The following AKAP13 variants were observed in gnomAD, a reference collection of about 807,000 sequenced individuals.
AKAP13 encodes the protein A-kinase anchoring protein 13, also known as A-kinase anchor protein 13.
AKAP13 carries 80 observed loss-of-function variants against 264.5 expected under a neutral mutation model. The observed-to-expected ratio is 0.30, with a 90% CI of 0.25 to 0.36. The LOEUF (loss-of-function observed/expected upper bound fraction) is 0.36. Among genes scored for constraint, AKAP13 ranks in the 10% least tolerant of loss-of-function variants. AKAP13 has a pLI of 1.00. For synonymous variants in AKAP13, 1,380 were observed against 1,250.2 expected, an observed-to-expected ratio of 1.10 and a Z score of -2.19; for missense variants, 3,712 against 3,435.2, an observed-to-expected ratio of 1.08 and a Z score of -2.01.
intron 2 of AKAP13, among the ~76,000 whole-genome samples, chr15:85,491,445 AGATATAAAT>A (rs1177031201): frequency 6.7e-6 from 1 of 149,964 alleles, no homozygotes; most frequent in Non-Finnish European, 1.5e-5. Context: ...ATCCACATTT[AGATATAAAT>A]GGATGTTCTT....
chr15:85,644,149 C>G (rs1356172441), intron 9 of AKAP13, among the ~76,000 whole-genome samples: 2 of 151,598 alleles, frequency 1.3e-5, no homozygotes, highest in African/African-American at 4.8e-5. Context: ...GTGTCACCTA[C>G]AAATTTGATA....
chr15:85,644,859 G>C lies in AKAP13; in HGVS notation c.4238-959G>C, dbSNP rs371757274. 1.2e-3 allele frequency among the ~76,000 whole-genome samples: 184 copies of C among 152,250 alleles called. 1 individual carries two copies. The highest frequency in any genetic ancestry group is 0.01 in the Middle Eastern group (3 of 294). On this transcript the variant is annotated intron_variant, in intron 9 of 36. Coordinates refer to ENST00000394518, the MANE Select transcript of AKAP13 (RefSeq NM_007200.5). Reference sequence around the variant, plus strand: ...CACTCAGTAATGGACTTGGGTTCTTGGTTTCACCATCCACAAATCTCTTTA... The same window carrying C: ...CACTCAGTAATGGACTTGGGTTCTTCGTTTCACCATCCACAAATCTCTTTA...
chr15:85,535,799 CT>C (rs60026361), intron 4 of AKAP13: 21,545 of 138,018 alleles, frequency 0.16, 2,029 homozygotes, highest in African/African-American at 0.29. Context: ...CTTTCTCTCT[CT>C]TTTTTTTTTT....
chr15:85,588,917 A>G (rs1320026843), intron 8 of AKAP13, among the ~76,000 whole-genome samples: 1 of 152,226 alleles, frequency 6.6e-6, no homozygotes, highest in African/African-American at 2.4e-5. Flanking sequence ...ATTTATCTCT[A>G]GCTGCGAGAT....
At chr15:85,635,653 T>G (rs1203575944) in intron 8 of AKAP13, among the ~76,000 whole-genome samples, 2 of 152,170 alleles carry the variant, frequency 1.3e-5, no homozygotes, top group Admixed American at 1.3e-4. Context: ...TAAAAGTGTT[T>G]CCCTCTGTCT....
At chr15:85,629,032 A>C (rs1433336034) in intron 8 of AKAP13, among the ~76,000 whole-genome samples, 1 of 152,136 alleles carries the variant, frequency 6.6e-6, no homozygotes, top group African/African-American at 2.4e-5. Context: ...TGCCTCTCCA[A>C]AAAAATTTTT....
intron 1 of AKAP13, chr15:85,415,145 C>T (rs2072179635): frequency 4.9e-6 from 4 of 810,126 alleles, no homozygotes; most frequent in Non-Finnish European, 8.1e-6. Context: ...AGGGAAATAC[C>T]TTTAAAAAAA....
intron 17 of AKAP13, among the ~76,000 whole-genome samples, chr15:85,695,043 C>T (rs1372242358): frequency 2.0e-5 from 3 of 151,950 alleles, no homozygotes; most frequent in Non-Finnish European, 4.4e-5. Context: ...TCTTCTGGCT[C>T]AGCCAGCCTC....
chr15:85,578,906 A>G lies in AKAP13; in HGVS notation c.862-24A>G, dbSNP rs199906620. ...ATCTTCTCCTACAGGCAGTTTTTTA[A>G]AAGTGTATTTCATTTCCTCCTAGAA... On this transcript the variant is annotated intron_variant, in intron 6 of 36. Transcript: ENST00000394518. 109 of 1,593,346 alleles carry G rather than the reference A, an allele frequency of 6.8e-5. 1 individual carries two copies. The highest frequency in any genetic ancestry group is 5.1e-4 in the South Asian group (46 of 89,902).
chr15:85,712,295 T>C (rs1359645719), intron 19 of AKAP13, among the ~76,000 whole-genome samples: 2 of 152,236 alleles, frequency 1.3e-5, no homozygotes, highest in African/African-American at 4.8e-5. Flanking sequence ...ATATATTTAA[T>C]CTGGTTTTTA....
Position 85,533,891 on chromosome 15 carries a change from A to C in AKAP13, c.478+11A>C, listed in dbSNP as rs557246780. 6.4e-7 allele frequency: 1 copy of C among 1,552,256 alleles called. No individual in the cohort carries two copies. Among genetic ancestry groups the C allele is most frequent in the South Asian group, 1.2e-5 (1 of 82,426 alleles). Reference sequence around the variant, plus strand: ...ATCAGAGTTTGCATGGTGAGAATTTATATGATCTACAAACACACTTTAAGT... The same window carrying C: ...ATCAGAGTTTGCATGGTGAGAATTTCTATGATCTACAAACACACTTTAAGT... On this transcript the variant is annotated intron_variant, in intron 4 of 36. Transcript: ENST00000394518.
chr15:85,459,226 C>T (rs1422951115), intron 1 of AKAP13, among the ~76,000 whole-genome samples: 1 of 152,172 alleles, frequency 6.6e-6, no homozygotes, highest in African/African-American at 2.4e-5. Context: ...CACTCTGTCA[C>T]CCAGGCTGGA....
chr15:85,630,657 A>G (rs1185609304), intron 8 of AKAP13, among the ~76,000 whole-genome samples: 1 of 152,234 alleles, frequency 6.6e-6, no homozygotes, highest in East Asian at 1.9e-4. Context: ...GGCGAGCCTT[A>G]CATCTTCACA....
chr15:85,579,887 T>C lies in AKAP13; in HGVS notation c.1819T>C (p.Leu607=). ...ISDGLEPYTL[L]AAGIGEAMSP... is the part of the protein sequence containing the mutation. ...AGATGGATTAGAACCTTATACTCTCTTAGCAGCAGGCATAGGTGAGGCAAT... is the reference window on the plus strand; with the variant it reads ...AGATGGATTAGAACCTTATACTCTCCTAGCAGCAGGCATAGGTGAGGCAAT... Residue 607 remains leucine, a synonymous_variant, in exon 7 of 37, where the codon TTA becomes CTA. Transcript: ENST00000394518. 1.2e-6 allele frequency: 2 copies of C among 1,614,232 alleles called. No homozygotes were observed. The highest frequency in any genetic ancestry group is 1.7e-6 in the Non-Finnish European group (2 of 1,180,040).
At chr15:85,696,501 A>G (rs1276412202) in intron 17 of AKAP13, among the ~76,000 whole-genome samples, 2 of 152,202 alleles carry the variant, frequency 1.3e-5, no homozygotes, top group Non-Finnish European at 2.9e-5. Flanking sequence ...TAAGAGCTGT[A>G]AAATCTTCCT....
At chr15:85,559,868 A>G (rs1218663745) in intron 5 of AKAP13, among the ~76,000 whole-genome samples, 1 of 152,134 alleles carries the variant, frequency 6.6e-6, no homozygotes. Flanking sequence ...CCCCTGCTTT[A>G]TTTAATCACT....
intron 7 of AKAP13, among the ~76,000 whole-genome samples, chr15:85,584,255 A>G (rs919914149): frequency 9.9e-5 from 15 of 152,246 alleles, no homozygotes; most frequent in African/African-American, 3.4e-4. Context: ...AGCATTGACC[A>G]CAGTGCTTAG....
At position 85,745,724 on chromosome 15, in the gene AKAP13, A is replaced by G. The variant is rs2089349772; in HGVS notation, c.*1047A>G. The G allele has an allele frequency of 6.6e-6, 1 of 152,334 alleles. No individual in the cohort carries two copies. Among genetic ancestry groups the G allele is most frequent in the Admixed American group, 6.5e-5 (1 of 15,276 alleles). 9.4% of individuals were successfully genotyped at this position (152,334 alleles called of 1,614,324 possible). On this transcript the variant is annotated 3_prime_UTR_variant, in exon 37 of 37. Transcript: ENST00000394518. ...CAGGCAGAAGCTGTGCTCTGAAGCTAGGACAGCTGGCTGAGAAGTGGGTTC... is the reference window on the plus strand; with the variant it reads ...CAGGCAGAAGCTGTGCTCTGAAGCTGGGACAGCTGGCTGAGAAGTGGGTTC...
chr15:85,474,251 A>G (rs1157065765), intron 1 of AKAP13, among the ~76,000 whole-genome samples: 1 of 152,210 alleles, frequency 6.6e-6, no homozygotes, highest in Non-Finnish European at 1.5e-5. Flanking sequence ...TTCGTAGTTT[A>G]AAACATATAT....
Sources: gnomAD v4.1 joint callset for allele counts (sites outside exome capture counted in the v4.1 genomes callset) on GRCh38, gnomAD v4.1.1 for gene constraint, MANE v1.5 for transcripts, NCBI Gene and HGNC (gene_info 2026-07-23, HGNC 2026-07-21) for gene names.